Variants in SGTA observed in about 807,000 individuals in gnomAD.
SGTA encodes the protein small glutamine-rich tetratricopeptide repeat-containing protein alpha.
SGTA carries 22 observed loss-of-function variants against 44.3 expected under a neutral mutation model. That is an observed-to-expected ratio of 0.50 (90% CI 0.36 to 0.71). The LOEUF (loss-of-function observed/expected upper bound fraction) is 0.71. SGTA is among the 30% of genes least tolerant of loss of function. SGTA has a pLI of 0.00. For missense variants in SGTA, 341 were observed against 435.9 expected (o/e 0.78, Z 1.94); for synonymous variants, 174 against 177.6 (o/e 0.98, Z 0.16).
At position 2,757,732 on chromosome 19, in the gene SGTA, GTGCCGGGAGTTCCCAAGGGGTTGT is replaced by G. The variant is rs764888039; in HGVS notation, c.764_787del (p.Asn255_Gly262del). The G allele has an allele frequency of 1.9e-6, 3 of 1,603,998 alleles. No homozygotes were observed. In the South Asian group the frequency reaches 3.4e-5, roughly 18 times the overall value. ...GGCCAGGTCGTTCTGCGAGGGGCTGGTGCCGGGAGTTCCCAAGGGGTTGTTGCCACCCGAAATCATGCCGGACAT... is the reference window on the plus strand; with the variant it reads ...GGCCAGGTCGTTCTGCGAGGGGCTGGTGCCACCCGAAATCATGCCGGACAT... On this transcript the variant is annotated inframe_deletion, in exon 10 of 12. Transcript: ENST00000221566.
At chr19:2,758,590 G>A (rs1568307029) in intron 9 of SGTA, among the ~76,000 whole-genome samples, 2 of 152,008 alleles carry the variant, frequency 1.3e-5, no homozygotes, top group Admixed American at 6.5e-5. Flanking sequence ...TGCGCACAGC[G>A]CTTACTGGGG....
Position 2,769,061 on chromosome 19 carries a change from T to C in SGTA, c.8A>G (p.Asn3Ser). 6.2e-7 allele frequency: 1 copy of C among 1,613,748 alleles called. No homozygotes were observed. Among genetic ancestry groups the C allele is most frequent in the Non-Finnish European group, 8.5e-7 (1 of 1,179,812 alleles). The change falls in exon 2 of 12, where the codon AAC (asparagine) becomes AGC (serine). Residue 3 changes from asparagine to serine, a missense_variant. Asn to Ser is a conservative substitution (Grantham distance 46, BLOSUM62 1). Coordinates refer to ENST00000221566, the MANE Select transcript of SGTA (RefSeq NM_003021.4). Reference sequence around the variant, plus strand: ...GATGGCGTAGGCCAGGCGCTTCTTGTTGTCCATCTTGAGCCCAGAAGAGGT... The same window carrying C: ...GATGGCGTAGGCCAGGCGCTTCTTGCTGTCCATCTTGAGCCCAGAAGAGGT... MD[N>S]KKRLAYAIIQ...
In SGTA at chr19:2,763,954, C is replaced by G. The variant is rs1236159868; in HGVS notation, c.393-197G>C. The stretch of plus-strand genomic sequence containing the variant: ...AGATGCTCTTAGACAAATGTGGGCT[C>G]AAAGCACCAGCAGCCACTCAGGACT... On this transcript the variant is annotated intron_variant, in intron 5 of 11. Transcript: ENST00000221566. This position sits in a 1 kb window ranked among gnomAD's most constrained non-coding sequence, Gnocchi z 5.8. Among the ~76,000 whole-genome samples the G allele has an allele frequency of 1.3e-5, 2 of 152,076 alleles. No homozygotes were observed. Among genetic ancestry groups the G allele is most frequent in the African/African-American group, 2.4e-5 (1 of 41,404 alleles).
intron 1 of SGTA, among the ~76,000 whole-genome samples, chr19:2,771,473 G>A (rs549296561): frequency 2.6e-5 from 4 of 151,792 alleles, no homozygotes; most frequent in South Asian, 4.2e-4. Flanking sequence ...CATAGACCTC[G>A]GTTGGCTGTT....
rs1915020206 is a variant in SGTA at position 2,762,371 on chromosome 19, A to G, written c.636+135T>C. 10 of 830,348 alleles carry G rather than the reference A, an allele frequency of 1.2e-5. No homozygotes were observed. The South Asian group carries it at 1.6e-4, about 14-fold the overall frequency. The allele number at this position is 830,348 out of a possible 1,614,324, so 51.4% of individuals were successfully genotyped here. On this transcript the variant is annotated intron_variant, in intron 7 of 11. Transcript: ENST00000221566. ...ACTCACTTCCACGCCTGTGCATCTC[A>G]CCACCAACTGAAACAAACCCCGGAC...
At position 2,759,465 on chromosome 19, in the gene SGTA, C is replaced by G. The variant is rs555997819; in HGVS notation, c.700-171G>C. On this transcript the variant is annotated intron_variant, in intron 8 of 11. Coordinates refer to ENST00000221566, the MANE Select transcript of SGTA (RefSeq NM_003021.4). ...CCTTTTCCCTACATTTTCGCCCCCC[C>G]ACCCACGAGCTGTGACCTCCACATT... The G allele has an allele frequency of 1.2e-4, 71 of 616,860 alleles. No individual in the cohort carries two copies. The South Asian group carries it at 1.2e-3, about 10-fold the overall frequency. 38.2% of individuals were successfully genotyped at this position (616,860 alleles called of 1,614,324 possible).
In SGTA at chr19:2,762,696, G is replaced by GCC. The variant is rs372644381; in HGVS notation, c.498-54_498-53dup. 2,500 of 1,603,788 alleles carry GCC rather than the reference G, an allele frequency of 1.6e-3. 37 individuals carry two copies. The African/African-American group carries it at 0.029, about 19-fold the overall frequency. Reference sequence around the variant, plus strand: ...GTTCCCATCTGCCCAGCTCCAGGAGGCCCCGCCAAAGCCCTCGTCCCCGGC... The same window carrying GCC: ...GTTCCCATCTGCCCAGCTCCAGGAGGCCCCCCGCCAAAGCCCTCGTCCCCGGC... On this transcript the variant is annotated intron_variant, in intron 6 of 11. Coordinates refer to ENST00000221566, the MANE Select transcript of SGTA (RefSeq NM_003021.4).
At chr19:2,774,521 C>T (rs180761359) in intron 1 of SGTA, among the ~76,000 whole-genome samples, 31 of 152,224 alleles carry the variant, frequency 2.0e-4, no homozygotes, top group African/African-American at 6.0e-4. Context: ...GTCTAATGGC[C>T]CGAGACACGT....
At position 2,767,478 on chromosome 19, in the gene SGTA, G is replaced by C; in HGVS notation, c.207+102C>G. On this transcript the variant is annotated intron_variant, in intron 3 of 11. Coordinates refer to ENST00000221566, the MANE Select transcript of SGTA (RefSeq NM_003021.4). This position sits in a 1 kb window ranked among gnomAD's most constrained non-coding sequence, Gnocchi z 7.3. ...CAGCCCAGGAGAGGATGCAGGCAGA[G>C]TGCTGGGGGACGATGAGAGCGGGGC... 1.0e-6 allele frequency: 1 copy of C among 985,472 alleles called. No individual in the cohort carries two copies. 61.0% of individuals were successfully genotyped at this position (985,472 alleles called of 1,614,324 possible). A position where few individuals can be genotyped will look rare whatever the true frequency, so the allele number is the denominator to read the frequency against.
chr19:2,778,591 C>A (rs948870230), intron 1 of SGTA, among the ~76,000 whole-genome samples: 2 of 151,734 alleles, frequency 1.3e-5, no homozygotes, highest in African/African-American at 4.8e-5. Flanking sequence ...CAGAGCTGAG[C>A]AGAAGTGCCC....
intron 8 of SGTA, chr19:2,759,631 A>G (rs2144720343): frequency 3.3e-6 from 1 of 301,616 alleles, no homozygotes; most frequent in East Asian, 7.3e-5. Context: ...AGCATATTTC[A>G]TTTAGCATAT....
intron 7 of SGTA, 57 bp downstream of exon 7, chr19:2,762,449 C>A (rs557495654): frequency 1.4e-5 from 22 of 1,594,962 alleles, no homozygotes; most frequent in Non-Finnish European, 1.7e-5. Flanking sequence ...GAGGACCTGT[C>A]CCCCACCCAC....
At chr19:2,778,495 C>A (rs1568313863) in intron 1 of SGTA, among the ~76,000 whole-genome samples, 1 of 137,462 alleles carries the variant, frequency 7.3e-6, no homozygotes, top group Non-Finnish European at 1.6e-5. Context: ...TCCTGGAACA[C>A]CGCCCCCCCC....
rs1377590170 is a variant in SGTA at position 2,767,204 on chromosome 19, A to G, written c.224T>C (p.Leu75Pro). The change falls in exon 4 of 12, where the codon CTG (leucine) becomes CCG (proline). Residue 75 changes from leucine (L) to proline (P), a missense_variant. Physicochemically the swap from Leu to Pro is moderately conservative, Grantham distance 98 (BLOSUM62 -3). Coordinates refer to ENST00000221566, the MANE Select transcript of SGTA (RefSeq NM_003021.4). This position sits in a 1 kb window ranked among gnomAD's most constrained non-coding sequence, Gnocchi z 7.3. The stretch of plus-strand genomic sequence containing the variant: ...AGGCGGGGTTCGCGCGGGGCTCCTC[A>G]GGTCCTGCGGCATCTCCTGGACCCG... ...AATGKEMPQD[L>P]RSPARTPPSE... The G allele has an allele frequency of 1.9e-6, 3 of 1,610,752 alleles. No individual in the cohort carries two copies. The African/African-American group carries it at 4.0e-5, about 22-fold the overall frequency.
At chr19:2,760,927 G>A (rs1318481633) in intron 8 of SGTA, among the ~76,000 whole-genome samples, 8 of 152,232 alleles carry the variant, frequency 5.3e-5, no homozygotes, top group African/African-American at 1.7e-4. Context: ...GAACATGTGT[G>A]TGTGGGGGAT....
Position 2,767,008 on chromosome 19 carries a change from C to A in SGTA, c.292+128G>T. On this transcript the variant is annotated intron_variant, in intron 4 of 11. Transcript: ENST00000221566. This position sits in a 1 kb window ranked among gnomAD's most constrained non-coding sequence, Gnocchi z 7.3. ...TTCCGTCCCCGTCCCCACAAGCCAG[C>A]GTGCTGGTCATCAGGGCAATTCCCT... 1 of 731,416 alleles carries A rather than the reference C, an allele frequency of 1.4e-6. No homozygotes were observed. The highest frequency in any genetic ancestry group is 2.5e-6 in the Non-Finnish European group (1 of 407,742). The allele number at this position is 731,416 out of a possible 1,614,324, so 45.3% of individuals were successfully genotyped here. A position where few individuals can be genotyped will look rare whatever the true frequency, so the allele number is the denominator to read the frequency against.
chr19:2,780,505 G>A (rs1915548141), intron 1 of SGTA, among the ~76,000 whole-genome samples: 3 of 152,052 alleles, frequency 2.0e-5, no homozygotes. Context: ...CATCTGTGGG[G>A]CCTACACCAA....
Position 2,765,911 on chromosome 19 carries a change from A to G in SGTA, c.293-626T>C, listed in dbSNP as rs915230605. On this transcript the variant is annotated intron_variant, in intron 4 of 11. Coordinates refer to ENST00000221566, the MANE Select transcript of SGTA (RefSeq NM_003021.4). The surrounding 1 kb of genome is among the most constrained non-coding windows in gnomAD (Gnocchi z 5.5). Reference sequence around the variant, plus strand: ...TTTATTGAGATATAATTTACATGCCACAAAGCTTACGCTTTAAAAATATAA... The same window carrying G: ...TTTATTGAGATATAATTTACATGCCGCAAAGCTTACGCTTTAAAAATATAA... 2.6e-5 allele frequency among the ~76,000 whole-genome samples: 4 copies of G among 152,210 alleles called. No individual in the cohort carries two copies. The highest frequency in any genetic ancestry group is 9.7e-5 in the African/African-American group (4 of 41,446).
At position 2,754,816 on chromosome 19, in the gene SGTA, C is replaced by T. The variant is rs559134549; in HGVS notation, c.*1124G>A. On this transcript the variant is annotated 3_prime_UTR_variant, in exon 12 of 12. Transcript: ENST00000221566. The surrounding 1 kb of genome is among the most constrained non-coding windows in gnomAD (Gnocchi z 4.4). Reference sequence around the variant, plus strand: ...TGAGCGGCTGCAGGGCCGCGGCGGCCCCCGTTCCTACTGCTACCTACGATA... The same window carrying T: ...TGAGCGGCTGCAGGGCCGCGGCGGCTCCCGTTCCTACTGCTACCTACGATA... 2.9e-4 allele frequency: 44 copies of T among 152,424 alleles called. No individual in the cohort carries two copies. Among genetic ancestry groups the T allele is most frequent in the African/African-American group, 1.0e-3 (43 of 41,576 alleles). The allele number at this position is 152,424 out of a possible 1,614,324, so 9.4% of individuals were successfully genotyped here.
Sources: gnomAD v4.1 joint callset for allele counts (sites outside exome capture counted in the v4.1 genomes callset) on GRCh38, gnomAD v4.1.1 for gene constraint, Gnocchi (gnomAD v3.1) non-coding constraint, MANE v1.5 for transcripts, NCBI Gene and HGNC (gene_info 2026-07-23, HGNC 2026-07-21) for gene names.